The following CDH4 variants were observed in gnomAD, a reference collection of about 807,000 sequenced individuals.
CDH4 encodes the protein cadherin 4.
In CDH4, 33 loss-of-function variants were observed where a neutral mutation model predicts 86.0. That is an observed-to-expected ratio of 0.38 (90% confidence interval 0.29 to 0.51). CDH4 has a LOEUF of 0.51. Ranked by LOEUF, CDH4 falls within the 20% of genes least tolerant of loss-of-function variation. CDH4 has a pLI of 0.86. For synonymous variants in CDH4, 555 were observed against 549.4 expected, an observed-to-expected ratio of 1.01 and a Z score of -0.14; for missense variants, 1,114 against 1,307.4, an observed-to-expected ratio of 0.85 and a Z score of 2.28.
intron 2 of CDH4, among the ~76,000 whole-genome samples, chr20:61,293,046 G>C (rs1422532405): frequency 6.6e-6 from 1 of 152,150 alleles, no homozygotes; most frequent in Non-Finnish European, 1.5e-5. Context: ...CACGCTCCCC[G>C]AGGCTCAGGG....
At chr20:61,275,068 G>A (rs1288651398) in intron 2 of CDH4, among the ~76,000 whole-genome samples, 2 of 138,738 alleles carry the variant, frequency 1.4e-5, no homozygotes, top group African/African-American at 2.8e-5. Context: ...GTGCAGTTTG[G>A]GGGAGTACCA....
intron 2 of CDH4, among the ~76,000 whole-genome samples, chr20:61,482,153 C>T (rs990614099): frequency 3.3e-5 from 5 of 152,162 alleles, no homozygotes; most frequent in African/African-American, 1.2e-4. Flanking sequence ...CTGCTTGCCA[C>T]ATTTTCTGCA....
At chr20:61,531,338 G>T (rs1340563530) in intron 2 of CDH4, among the ~76,000 whole-genome samples, 1 of 149,358 alleles carries the variant, frequency 6.7e-6, no homozygotes, top group Non-Finnish European at 1.5e-5. Flanking sequence ...CGGGCATGGT[G>T]GTGGGTGCCT....
chr20:61,638,772 C>T (rs1332933060), intron 2 of CDH4, among the ~76,000 whole-genome samples: 1 of 152,148 alleles, frequency 6.6e-6, no homozygotes, highest in African/African-American at 2.4e-5. Flanking sequence ...CAGAGGTGCT[C>T]TATGGGAGAT....
chr20:61,611,062 G>GC (rs1486548456), intron 2 of CDH4, among the ~76,000 whole-genome samples: 2 of 152,036 alleles, frequency 1.3e-5, no homozygotes, highest in Admixed American at 1.3e-4. Flanking sequence ...CTGAGACTGG[G>GC]CCCCCTCAGG....
chr20:61,905,254 A>G (rs760741742), intron 8 of CDH4, among the ~76,000 whole-genome samples: 2 of 152,236 alleles, frequency 1.3e-5, no homozygotes, highest in Non-Finnish European at 2.9e-5. Context: ...AGAAAATTCT[A>G]AACCAGATTT....
chr20:61,604,850 A>G (rs2086630390), intron 2 of CDH4, among the ~76,000 whole-genome samples: 1 of 152,132 alleles, frequency 6.6e-6, no homozygotes, highest in South Asian at 2.1e-4. Context: ...GGAGAAATGG[A>G]AATAGGCCAG....
chr20:61,573,648 T>G (rs1302521405), intron 2 of CDH4, among the ~76,000 whole-genome samples: 1 of 152,096 alleles, frequency 6.6e-6, no homozygotes, highest in Non-Finnish European at 1.5e-5. Context: ...GCCCTGATGT[T>G]CCGCTGAGCA....
chr20:61,737,149 C>T (rs573386129), intron 2 of CDH4, among the ~76,000 whole-genome samples: 3 of 152,176 alleles, frequency 2.0e-5, no homozygotes, highest in Admixed American at 6.5e-5. Flanking sequence ...GGGCTGAGCC[C>T]TGCCTGGCAT....
chr20:61,293,833 C>A (rs2084336566), intron 2 of CDH4, among the ~76,000 whole-genome samples: 2 of 152,192 alleles, frequency 1.3e-5, no homozygotes, highest in African/African-American at 4.8e-5. Context: ...TCTTCCTGGC[C>A]CCTCACCAGG....
chr20:61,417,694 T>G lies in CDH4; in HGVS notation c.169+162757T>G, dbSNP rs62199121. Among the ~76,000 whole-genome samples, 13,540 of 152,206 alleles carry G rather than the reference T, an allele frequency of 0.089. 836 individuals carry two copies. The highest frequency in any genetic ancestry group is 0.17 in the African/African-American group (7,110 of 41,478). ...CTCAGAACATGCATTTCTCCTGACT[T>G]GTATTACTCATTTTACGGCTGGAGA... On this transcript the variant is annotated intron_variant, in intron 2 of 15. Transcript: ENST00000614565. This position sits in a 1 kb window ranked among gnomAD's most constrained non-coding sequence, Gnocchi z 4.0.
intron 2 of CDH4, among the ~76,000 whole-genome samples, chr20:61,713,198 A>G (rs1273729950): frequency 6.6e-6 from 1 of 152,212 alleles, no homozygotes; most frequent in African/African-American, 2.4e-5. Flanking sequence ...TCCTCACAAA[A>G]TGGACTGCAT....
chr20:61,563,942 G>A (rs1221364035), intron 2 of CDH4, among the ~76,000 whole-genome samples: 1 of 152,166 alleles, frequency 6.6e-6, no homozygotes, highest in Non-Finnish European at 1.5e-5. Context: ...GCAAAACTCT[G>A]CTTTCTTCCA....
chr20:61,363,755 A>G (rs2084796887), intron 2 of CDH4, among the ~76,000 whole-genome samples: 1 of 152,228 alleles, frequency 6.6e-6, no homozygotes, highest in Non-Finnish European at 1.5e-5. Flanking sequence ...CAAATCAGGG[A>G]GTGAAAGCTA....
intron 2 of CDH4, among the ~76,000 whole-genome samples, chr20:61,545,512 C>T (rs1308236895): frequency 6.6e-6 from 1 of 152,242 alleles, no homozygotes; most frequent in East Asian, 1.9e-4. Context: ...ACTGTCTGGG[C>T]ACCCACATCT....
chr20:61,330,593 G>T (rs4812307), intron 2 of CDH4, among the ~76,000 whole-genome samples: 90,512 of 152,104 alleles, frequency 0.6, 26,974 homozygotes, highest in Middle Eastern at 0.76. Context: ...ATGTCCTGAC[G>T]GGGAACGCCT....
rs116166099 is a variant in CDH4 at position 61,938,124 on chromosome 20, T to C, written c.*1181T>C. ...GAGGCCCCGTCTTGCCGTGCCTACC[T>C]GTCGCACAGATGCCTCTGCACGCTG... is the stretch of plus-strand genomic sequence containing the variant. On this transcript the variant is annotated 3_prime_UTR_variant, in exon 16 of 16. Coordinates refer to ENST00000614565, the MANE Select transcript of CDH4 (RefSeq NM_001794.5). The C allele has an allele frequency of 0.012, 1,889 of 152,388 alleles. 38 individuals carry two copies. Among genetic ancestry groups the C allele is most frequent in the African/African-American group, 0.042 (1,741 of 41,570 alleles). The allele number at this position is 152,388 out of a possible 1,614,324, so 9.4% of individuals were successfully genotyped here.
chr20:61,836,739 G>A (rs945754386), intron 4 of CDH4, among the ~76,000 whole-genome samples: 6 of 152,226 alleles, frequency 3.9e-5, no homozygotes, highest in South Asian at 2.1e-4. Context: ...CAGGTTTCAC[G>A]TCGCCGAATC....
chr20:61,813,989 C>A (rs1391184967), intron 4 of CDH4, among the ~76,000 whole-genome samples: 1 of 152,226 alleles, frequency 6.6e-6, no homozygotes, highest in Non-Finnish European at 1.5e-5. Context: ...TGGTGCAGGG[C>A]TGGCTCCCAG....
Sources: gnomAD v4.1 joint callset for allele counts (sites outside exome capture counted in the v4.1 genomes callset) on GRCh38, gnomAD v4.1.1 for gene constraint, Gnocchi (gnomAD v3.1) non-coding constraint, MANE v1.5 for transcripts, NCBI Gene and HGNC (gene_info 2026-07-23, HGNC 2026-07-21) for gene names.